The following CERS6 variants were observed in gnomAD, a reference collection of about 807,000 sequenced individuals.
The protein encoded by CERS6 is LAG1 homolog, ceramide synthase 6.
In CERS6, 26 loss-of-function variants were observed where a neutral mutation model predicts 56.8. That is an observed-to-expected ratio of 0.46 (90% CI 0.34 to 0.63). CERS6 has a LOEUF of 0.63. CERS6 is among the 30% of genes least tolerant of loss of function. The pLI is 0.01. For missense variants in CERS6, 415 were observed against 467.5 expected (o/e 0.89, Z 1.04); for synonymous variants, 164 against 173.3 (o/e 0.95, Z 0.42).
chr2:168,724,431 C>T (rs1310609395), intron 8 of CERS6, among the ~76,000 whole-genome samples: 2 of 152,228 alleles, frequency 1.3e-5, no homozygotes, highest in Admixed American at 1.3e-4. Context: ...ACTGCTGGCT[C>T]GGGCAGCCTG....
intron 2 of CERS6, among the ~76,000 whole-genome samples, chr2:168,557,546 TG>T (rs904240087): frequency 1.4e-4 from 21 of 152,190 alleles, no homozygotes; most frequent in African/African-American, 4.8e-4. Flanking sequence ...TTTGGATTTT[TG>T]ATGGAAAAGA....
In CERS6 at chr2:168,631,052, C is replaced by G; in HGVS notation, c.465+10C>G. On this transcript the variant is annotated intron_variant, in intron 4 of 9. Transcript: ENST00000305747. ...CAGATTCCTGAAAAAGGTAGGATCT[C>G]TCAAACTATTTTACATGATTCTTAT... is the stretch of plus-strand genomic sequence containing the variant. 7.0e-7 allele frequency: 1 copy of G among 1,423,000 alleles called. No individual in the cohort carries two copies. Among genetic ancestry groups the G allele is most frequent in the South Asian group, 1.3e-5 (1 of 79,058 alleles). The allele number at this position is 1,423,000 out of a possible 1,614,324, so 88.1% of individuals were successfully genotyped here.
intron 6 of CERS6, among the ~76,000 whole-genome samples, chr2:168,714,727 A>T (rs1401669523): frequency 2.0e-5 from 3 of 152,186 alleles, no homozygotes; most frequent in African/African-American, 7.2e-5. Flanking sequence ...ATGATGACAC[A>T]GCTAGAAGTC....
chr2:168,526,992 T>C (rs1229582617), intron 1 of CERS6, among the ~76,000 whole-genome samples: 1 of 152,222 alleles, frequency 6.6e-6, no homozygotes, highest in African/African-American at 2.4e-5. Context: ...ATCTCTTGGC[T>C]CCAAATCCAC....
intron 1 of CERS6, among the ~76,000 whole-genome samples, chr2:168,499,694 C>T (rs1694544214): frequency 6.6e-6 from 1 of 152,136 alleles, no homozygotes; most frequent in Admixed American, 6.5e-5. Flanking sequence ...GATCTAAAAC[C>T]ACTTGAGTTA....
chr2:168,553,168 G>A (rs1695608622), intron 2 of CERS6, among the ~76,000 whole-genome samples: 1 of 151,790 alleles, frequency 6.6e-6, no homozygotes, highest in Non-Finnish European at 1.5e-5. Context: ...GAATATGGAA[G>A]ATAGAAAGAA....
rs183849495 is a variant in CERS6 at position 168,657,694 on chromosome 2, C to T, written c.465+26652C>T. Among the ~76,000 whole-genome samples the T allele has an allele frequency of 3.7e-3, 563 of 152,354 alleles. 3 individuals carry two copies. The highest frequency in any genetic ancestry group is 5.1e-3 in the Non-Finnish European group (347 of 68,026). ...GCCACTGGCCCGGGTGCTAAGTCCC[C>T]CATTGCCCGGGGCCAGCAGGGCAGG... On this transcript the variant is annotated intron_variant, in intron 4 of 9. Coordinates refer to ENST00000305747, the MANE Select transcript of CERS6 (RefSeq NM_203463.3).
chr2:168,482,733 T>C (rs7572007), intron 1 of CERS6, among the ~76,000 whole-genome samples: 33,274 of 152,232 alleles, frequency 0.22, 3,761 homozygotes, highest in Non-Finnish European at 0.24. Flanking sequence ...TGCAGGCTTA[T>C]TTTTAAGCCT....
intron 3 of CERS6, among the ~76,000 whole-genome samples, chr2:168,561,962 T>C (rs1279124358): frequency 1.3e-5 from 2 of 152,130 alleles, no homozygotes; most frequent in African/African-American, 2.4e-5. Context: ...TGCACTTACC[T>C]ATAGGAAAAC....
At chr2:168,666,685 A>C (rs971640510) in intron 4 of CERS6, among the ~76,000 whole-genome samples, 1 of 152,160 alleles carries the variant, frequency 6.6e-6, no homozygotes, top group Admixed American at 6.5e-5. Context: ...AACAATATTC[A>C]TTTTCACTGT....
At chr2:168,461,822 T>C (rs930441577) in intron 1 of CERS6, among the ~76,000 whole-genome samples, 2 of 152,216 alleles carry the variant, frequency 1.3e-5, no homozygotes, top group Admixed American at 1.3e-4. Context: ...GTTGAAAATA[T>C]TTGAATTCTC....
At chr2:168,757,020 A>C (rs150853849) in intron 8 of CERS6, among the ~76,000 whole-genome samples, 1 of 152,342 alleles carries the variant, frequency 6.6e-6, no homozygotes, top group East Asian at 1.9e-4. Context: ...ACTAGTATTA[A>C]TGTTGCTATA....
At chr2:168,465,588 A>T (rs1253667604) in intron 1 of CERS6, among the ~76,000 whole-genome samples, 1 of 152,360 alleles carries the variant, frequency 6.6e-6, no homozygotes, top group South Asian at 2.1e-4. Context: ...CTGCTACAGC[A>T]TGAATGAGCT....
At chr2:168,694,233 C>CCA (rs1477495839) in intron 5 of CERS6, among the ~76,000 whole-genome samples, 1 of 152,136 alleles carries the variant, frequency 6.6e-6, no homozygotes, top group Non-Finnish European at 1.5e-5. Flanking sequence ...TTCCTGACTT[C>CCA]CACTGCCTCT....
intron 3 of CERS6, among the ~76,000 whole-genome samples, chr2:168,570,720 C>G (rs933845616): frequency 4.6e-5 from 7 of 152,168 alleles, no homozygotes; most frequent in Admixed American, 2.0e-4. Flanking sequence ...CTACCTGGTT[C>G]ATGGTCTGGC....
At chr2:168,534,149 C>A (rs1695216364) in intron 1 of CERS6, among the ~76,000 whole-genome samples, 1 of 152,040 alleles carries the variant, frequency 6.6e-6, no homozygotes, top group Non-Finnish European at 1.5e-5. Flanking sequence ...AGTTTCTTTG[C>A]ATTGGGTTAG....
At chr2:168,650,606 G>T (rs1453008712) in intron 4 of CERS6, among the ~76,000 whole-genome samples, 1 of 151,678 alleles carries the variant, frequency 6.6e-6, no homozygotes, top group Non-Finnish European at 1.5e-5. Context: ...AGCCCCCTTT[G>T]TCTATTTATT....
chr2:168,739,147 A>T (rs1270986409), intron 8 of CERS6, among the ~76,000 whole-genome samples: 1 of 139,944 alleles, frequency 7.1e-6, no homozygotes, highest in Non-Finnish European at 1.5e-5. Context: ...GAGCTCGGGT[A>T]ATCCGCCTGC....
chr2:168,624,236 T>C (rs1415740179), intron 3 of CERS6, among the ~76,000 whole-genome samples: 1 of 152,180 alleles, frequency 6.6e-6, no homozygotes, highest in Non-Finnish European at 1.5e-5. Flanking sequence ...AACAAAGTCT[T>C]ATTTGCCCTC....
Sources: gnomAD v4.1 joint callset for allele counts (sites outside exome capture counted in the v4.1 genomes callset) on GRCh38, gnomAD v4.1.1 for gene constraint, MANE v1.5 for transcripts, NCBI Gene and HGNC (gene_info 2026-07-23, HGNC 2026-07-21) for gene names.